Variants in FAT2 observed in about 807,000 individuals in gnomAD.
FAT2 encodes protocadherin Fat 2.
In FAT2, 150 loss-of-function variants were observed where a neutral mutation model predicts 295.3. The observed-to-expected ratio is 0.51, with a 90% CI of 0.44 to 0.58. FAT2 has a LOEUF of 0.58. Ranked by LOEUF, FAT2 falls within the 20% of genes least tolerant of loss-of-function variation. The pLI, the probability that FAT2 is intolerant of heterozygous loss-of-function variation, is 0.00. For synonymous variants in FAT2, 2,026 were observed against 2,150.3 expected (o/e 0.94, Z 1.60); for missense variants, 4,868 against 5,442.7 (o/e 0.89, Z 3.32).
At chr5:151,560,829 T>C (rs1757984668) in intron 3 of FAT2, among the ~76,000 whole-genome samples, 2 of 152,262 alleles carry the variant, frequency 1.3e-5, no homozygotes, top group Non-Finnish European at 2.9e-5. Flanking sequence ...GAATGAATCT[T>C]GGGCTTAACA....
Position 151,567,772 on chromosome 5 carries a change from G to A in FAT2, c.1160C>T (p.Thr387Ile), listed in dbSNP as rs150945518. ...ATACTGCAGGTTGGGGAAGGCTGGG[G>A]TGACTCTCACCATCACCACGCGGCT... ...PGSRVVMVRV[T>I]PAFPNLQYVL... The change falls in exon 2 of 24, where the codon ACC becomes ATC. Residue 387 changes from threonine (T) to isoleucine (I), a missense_variant. Physicochemically the swap from Thr to Ile is moderately conservative, Grantham distance 89 (BLOSUM62 -1). Around this residue, in one of 5 missense-constraint regions of FAT2, gnomAD observed 3,297 missense variants for 3,669.4 expected, o/e 0.90. Coordinates refer to ENST00000261800, the MANE Select transcript of FAT2 (RefSeq NM_001447.3). 6 of 1,614,068 alleles carry A rather than the reference G, an allele frequency of 3.7e-6. No individual in the cohort carries two copies. The African/African-American group carries it at 5.3e-5, about 14-fold the overall frequency.
chr5:151,543,322 G>A lies in FAT2; in HGVS notation c.7805C>T (p.Ser2602Phe), dbSNP rs895892494. ...VSIQSNVSKD[S>F]PVIQVLAYDA... ...ATAGGCCAACACCTGGATAACCGGA[G>A]AGTCTTTACTGACATTGGATTGAAT... Residue 2602 changes from serine to phenylalanine, a missense_variant, in exon 10 of 24, where the codon TCT becomes TTT. Ser to Phe is a radical substitution (Grantham distance 155, BLOSUM62 -2). Transcript: ENST00000261800. 1 of 1,614,194 alleles carries A rather than the reference G, an allele frequency of 6.2e-7. No homozygotes were observed. The highest frequency in any genetic ancestry group is 8.5e-7 in the Non-Finnish European group (1 of 1,180,028).
Position 151,543,675 on chromosome 5 carries a change from G to T in FAT2, c.7452C>A (p.His2484Gln), listed in dbSNP as rs1222892740. ...ANKYSPEFQQ[H>Q]LYEAELAENA... ...TCTCTGCTAATTCTGCCTCATAAAG[G>T]TGCTGCTGGAACTCTGGGCTGTACT... The change falls in exon 10 of 24, where the codon CAC becomes CAA. Residue 2484 changes from histidine (H) to glutamine (Q), a missense_variant. Transcript: ENST00000261800. The T allele has an allele frequency of 1.2e-6, 2 of 1,614,156 alleles. No individual in the cohort carries two copies. Among genetic ancestry groups the T allele is most frequent in the African/African-American group, 1.3e-5 (1 of 75,052 alleles).
rs906783753 is a variant in FAT2, at chr5:151,534,333, C to T, written c.9427+76G>A. ...ACCGCCCTTACCAGTCCTAGAGAGA[C>T]ACAAAGGGGACCAAACCCTTGCCCA... On this transcript the variant is annotated intron_variant, in intron 13 of 23. Coordinates refer to ENST00000261800, the MANE Select transcript of FAT2 (RefSeq NM_001447.3). 12 of 1,219,864 alleles carry T rather than the reference C, an allele frequency of 9.8e-6. No homozygotes were observed. In the Admixed American group the frequency reaches 1.9e-4, roughly 20 times the overall value. 75.6% of individuals were successfully genotyped at this position (1,219,864 alleles called of 1,614,324 possible).
At chr5:151,565,647 A>ACGCCCCCCCCCC in intron 2 of FAT2, 26 bp downstream of exon 2, 5 of 1,461,026 alleles carry the variant, frequency 3.4e-6, no homozygotes, top group Non-Finnish European at 1.9e-6. Flanking sequence ...TGGCCCTGGC[A>ACGCCCCCCCCCC]CCCCACCCTA....
rs116738754 is a variant in FAT2 at position 151,529,287 on chromosome 5, G to A, written c.9917C>T (p.Thr3306Ile). Reference sequence around the variant, plus strand: ...GACATCAGTGATGTTGACCATGACTGTGGTCACGTCACTGAGGGAAGAGGA... The same window carrying A: ...GACATCAGTGATGTTGACCATGACTATGGTCACGTCACTGAGGGAAGAGGA... ...KSSSSLSDVT[T>I]VMVNITDVNE... The change falls in exon 15 of 24, where the codon ACA becomes ATA. Residue 3306 changes from threonine (T) to isoleucine (I), a missense_variant. Thr to Ile is a moderately conservative substitution (Grantham distance 89). Transcript: ENST00000261800. 956 of 1,613,780 alleles carry A rather than the reference G, an allele frequency of 5.9e-4. 11 individuals carry two copies. The African/African-American group carries it at 0.012, about 20-fold the overall frequency.
At position 151,543,076 on chromosome 5, in the gene FAT2, T is replaced by C. The variant is rs1186574101; in HGVS notation, c.8051A>G (p.Lys2684Arg). ...AGAAAATTTCGGTAAGGATACTTTT[T>C]TAGGAACCACCTGAAGTCGTACTGG... Reference protein sequence around the residue: ...LVPVRLQVVPKKVSLPKFSEP... With the variant: ...LVPVRLQVVPRKVSLPKFSEP... Residue 2684 changes from lysine (K) to arginine (R), a missense_variant, in exon 10 of 24, where the codon AAA becomes AGA. Around this residue, in one of 5 missense-constraint regions of FAT2, gnomAD observed 3,297 missense variants for 3,669.4 expected, o/e 0.90. Transcript: ENST00000261800. 1 of 1,614,190 alleles carries C rather than the reference T, an allele frequency of 6.2e-7. No individual in the cohort carries two copies. The highest frequency in any genetic ancestry group is 8.5e-7 in the Non-Finnish European group (1 of 1,180,028).
chr5:151,517,860 A>T, intron 19 of FAT2, 95 bp from the exon 20 acceptor site: 1 of 1,440,908 alleles, frequency 6.9e-7, no homozygotes, highest in South Asian at 1.2e-5. Flanking sequence ...GGTGGCAGAC[A>T]GAATCATTGC....
rs371908076 is a variant in FAT2 at position 151,545,098 on chromosome 5, T to C, written c.6029A>G (p.Asp2010Gly). The part of the protein sequence containing the change: ...TLSYFLLNGT[D>G]MFHMVQSAGV... Reference sequence around the variant, plus strand: ...TGCTGACTGGACCATATGAAACATATCTGTGCCATTCAAGAGAAAGTAGGA... The same window carrying C: ...TGCTGACTGGACCATATGAAACATACCTGTGCCATTCAAGAGAAAGTAGGA... Residue 2010 changes from aspartate to glycine, a missense_variant, in exon 10 of 24, where the codon GAT (aspartate) becomes GGT (glycine). Coordinates refer to ENST00000261800, the MANE Select transcript of FAT2 (RefSeq NM_001447.3). 2.9e-5 allele frequency: 47 copies of C among 1,614,014 alleles called. No homozygotes were observed. Among genetic ancestry groups the C allele is most frequent in the Non-Finnish European group, 4.0e-5 (47 of 1,180,034 alleles).
chr5:151,570,790 T>C (rs1283268060), intron 1 of FAT2, among the ~76,000 whole-genome samples: 1 of 152,098 alleles, frequency 6.6e-6, no homozygotes, highest in Non-Finnish European at 1.5e-5. Context: ...AAGGAAGAGT[T>C]AAACTTCCAA....
At chr5:151,524,823 C>G (rs1447063254) in intron 18 of FAT2, among the ~76,000 whole-genome samples, 1 of 152,212 alleles carries the variant, frequency 6.6e-6, no homozygotes, top group Non-Finnish European at 1.5e-5. Context: ...GACTCTCCTG[C>G]CCACTTTTCA....
At chr5:151,528,299 G>A (rs1485898934) in intron 15 of FAT2, among the ~76,000 whole-genome samples, 166 bp from the exon 16 acceptor site, 2 of 152,160 alleles carry the variant, frequency 1.3e-5, no homozygotes, top group Non-Finnish European at 2.9e-5. Context: ...TCCTCGTGTG[G>A]ACTTCAGCAT....
At chr5:151,563,989 G>A (rs1162869699) in intron 2 of FAT2, among the ~76,000 whole-genome samples, 1 of 152,230 alleles carries the variant, frequency 6.6e-6, no homozygotes, top group African/African-American at 2.4e-5. Context: ...TTCTGTAAGT[G>A]AGGTTTTCTT....
chr5:151,591,226 C>T lies in FAT2; in HGVS notation c.-82G>A, dbSNP rs918399148. On this transcript the variant is annotated 5_prime_UTR_variant, in exon 1 of 24. The change creates a new upstream start codon in the 5' untranslated region. Transcript: ENST00000261800. The stretch of plus-strand genomic sequence containing the variant: ...GGCTGCTGGGCTGGCGCCCCTCTCA[C>T]GAGGGCCAGGCTGACAGGCTCCTGA... 6.6e-6 allele frequency among the ~76,000 whole-genome samples: 1 copy of T among 152,232 alleles called. No individual in the cohort carries two copies. The highest frequency in any genetic ancestry group is 1.5e-5 in the Non-Finnish European group (1 of 68,038).
Position 151,534,704 on chromosome 5 carries a change from C to T in FAT2, c.9194-62G>A, listed in dbSNP as rs1018278346. 16 of 1,414,138 alleles carry T rather than the reference C, an allele frequency of 1.1e-5. No individual in the cohort carries two copies. In the African/African-American group the frequency reaches 2.0e-4, roughly 17 times the overall value. 87.6% of individuals were successfully genotyped at this position (1,414,138 alleles called of 1,614,324 possible). A position where few individuals can be genotyped will look rare whatever the true frequency, so the allele number is the denominator to read the frequency against. ...GGGAAATATTACCCAAGCATGTGCCCTCTATATATCTACAGGAGACAAACC... is the reference window on the plus strand; with the variant it reads ...GGGAAATATTACCCAAGCATGTGCCTTCTATATATCTACAGGAGACAAACC... On this transcript the variant is annotated intron_variant, in intron 12 of 23. Coordinates refer to ENST00000261800, the MANE Select transcript of FAT2 (RefSeq NM_001447.3).
chr5:151,553,165 G>A lies in FAT2; in HGVS notation c.4156+12C>T, dbSNP rs1426224538. The A allele has an allele frequency of 1.2e-6, 2 of 1,613,964 alleles. No homozygotes were observed. Among genetic ancestry groups the A allele is most frequent in the Non-Finnish European group, 1.7e-6 (2 of 1,179,792 alleles). On this transcript the variant is annotated intron_variant, in intron 6 of 23. Coordinates refer to ENST00000261800, the MANE Select transcript of FAT2 (RefSeq NM_001447.3). ...GGGGTTGGCCCTTGTTGGGCCCTAG[G>A]CCTTGCCTCACCTGAGATGTTGAAC... is the stretch of plus-strand genomic sequence containing the variant.
Position 151,512,591 on chromosome 5 carries a change from G to A in FAT2, c.11479C>T (p.Pro3827Ser), listed in dbSNP as rs2127570959. 2 of 1,608,084 alleles carry A rather than the reference G, an allele frequency of 1.2e-6. No individual in the cohort carries two copies. The highest frequency in any genetic ancestry group is 1.1e-5 in the South Asian group (1 of 90,348). Residue 3827 changes from proline (P) to serine (S), a missense_variant, in exon 21 of 24, where the codon CCC becomes TCC. By Grantham distance (74) the Pro-to-Ser change is moderately conservative (BLOSUM62 -1). Transcript: ENST00000261800. This position sits in a 1 kb window ranked among gnomAD's most constrained non-coding sequence, Gnocchi z 4.1. Reference protein sequence around the residue: ...SVSLKLASGVPQLEYHCLGGF... With the variant: ...SVSLKLASGVSQLEYHCLGGF... ...CCCAGACAGTGGTATTCCAGCTGGGGCACTCCACTGGCCAGCTGCAAAGGA... is the reference window on the plus strand; with the variant it reads ...CCCAGACAGTGGTATTCCAGCTGGGACACTCCACTGGCCAGCTGCAAAGGA...
intron 19 of FAT2, among the ~76,000 whole-genome samples, chr5:151,520,087 G>C (rs1281497565): frequency 6.6e-6 from 1 of 152,242 alleles, no homozygotes; most frequent in African/African-American, 2.4e-5. Flanking sequence ...CTCCCCAACA[G>C]AGAGAAGCCC....
intron 1 of FAT2, among the ~76,000 whole-genome samples, chr5:151,572,082 A>T (rs556047843): frequency 1.3e-5 from 2 of 152,282 alleles, no homozygotes; most frequent in South Asian, 4.1e-4. Flanking sequence ...TTTGGAGTAG[A>T]CTTCCTGTCA....
Sources: allele counts gnomAD v4.1 joint callset (sites outside exome capture counted in the v4.1 genomes callset), GRCh38; gene constraint gnomAD v4.1.1; regional missense constraint gnomAD v4.1.1; non-coding constraint Gnocchi (gnomAD v3.1); transcripts MANE v1.5; gene names NCBI Gene and HGNC (gene_info 2026-07-23, HGNC 2026-07-21).